ABTB3: variants seen among roughly 807,000 people sequenced by gnomAD.
ABTB3 encodes the protein ankyrin repeat- and BTB/POZ domain-containing protein 3.
the ABTB3 span, chr12:107,320,114 C>A: frequency 7.3e-7 from 1 of 1,379,180 alleles, no homozygotes; most frequent in South Asian, 2.1e-5. Context: ...CTCACCTAAC[C>A]TGGCCAACTC....
the ABTB3 span, among the ~76,000 whole-genome samples, chr12:107,446,553 T>C: frequency 6.6e-6 from 1 of 152,196 alleles, no homozygotes; most frequent in Non-Finnish European, 1.5e-5. Context: ...GTCCCTCATG[T>C]AGAGCAAGGA....
the ABTB3 span, among the ~76,000 whole-genome samples, chr12:107,485,975 G>T: frequency 6.6e-6 from 1 of 152,200 alleles, no homozygotes; most frequent in African/African-American, 2.4e-5. Context: ...AACTGGTTAG[G>T]AGAGCTGTAC....
At chr12:107,534,627 G>A in the ABTB3 span, among the ~76,000 whole-genome samples, 1 of 152,122 alleles carries the variant, frequency 6.6e-6, no homozygotes, top group Non-Finnish European at 1.5e-5. Context: ...TGATACGACA[G>A]AAATACAAAG....
the ABTB3 span, chr12:107,486,735 C>CAAAAAAAAAAAAAAAAAAAAAA: frequency 2.0e-5 from 1 of 50,258 alleles, no homozygotes; most frequent in African/African-American, 6.2e-5. Flanking sequence ...TCTTAATAGC[C>CAAAAAAAAAAAAAAAAAAAAAA]AAAAAAAAAA....
chr12:107,570,160 T>C, the ABTB3 span, among the ~76,000 whole-genome samples: 1 of 152,240 alleles, frequency 6.6e-6, no homozygotes, highest in African/African-American at 2.4e-5. Context: ...AGAACACGTA[T>C]AGAGGGAAAA....
chr12:107,647,955 A>G, the ABTB3 span, among the ~76,000 whole-genome samples: 2 of 152,194 alleles, frequency 1.3e-5, no homozygotes, highest in Non-Finnish European at 2.9e-5. Flanking sequence ...GACTGAAGGG[A>G]CCATTGAGGA....
the ABTB3 span, chr12:107,635,035 G>A: frequency 1.2e-5 from 4 of 346,668 alleles, no homozygotes; most frequent in South Asian, 1.4e-4. Context: ...AGCGAATCAT[G>A]AGGGCCAGAG....
chr12:107,609,438 G>A, the ABTB3 span, among the ~76,000 whole-genome samples: 1 of 152,100 alleles, frequency 6.6e-6, no homozygotes. Context: ...TGATGCCCTG[G>A]GCTGGCTGGA....
chr12:107,538,703 G>A, the ABTB3 span, among the ~76,000 whole-genome samples: 1 of 152,124 alleles, frequency 6.6e-6, no homozygotes, highest in African/African-American at 2.4e-5. Context: ...CATTTATGCA[G>A]GTTGACCATC....
At chr12:107,564,959 T>C in the ABTB3 span, among the ~76,000 whole-genome samples, 1,316 of 152,306 alleles carry the variant, frequency 8.6e-3, 21 homozygotes, top group African/African-American at 0.029. Flanking sequence ...ATGATCTGTA[T>C]GCTGGAAGGA....
the ABTB3 span, among the ~76,000 whole-genome samples, chr12:107,509,665 G>T: frequency 6.6e-6 from 1 of 152,216 alleles, no homozygotes; most frequent in Non-Finnish European, 1.5e-5. Flanking sequence ...CATCACTGGG[G>T]CCGGGACCTG....
the ABTB3 span, among the ~76,000 whole-genome samples, chr12:107,523,513 T>C: frequency 6.6e-6 from 1 of 152,240 alleles, no homozygotes; most frequent in Non-Finnish European, 1.5e-5. Context: ...TACATTAAAA[T>C]TCAATTATCA....
chr12:107,507,862 C>A, the ABTB3 span, among the ~76,000 whole-genome samples: 1 of 152,252 alleles, frequency 6.6e-6, no homozygotes, highest in Non-Finnish European at 1.5e-5. Flanking sequence ...GCTTTCCTGA[C>A]ATGCCACCCA....
the ABTB3 span, among the ~76,000 whole-genome samples, chr12:107,560,078 A>G: frequency 6.6e-6 from 1 of 152,174 alleles, no homozygotes; most frequent in South Asian, 2.1e-4. Flanking sequence ...ATTTCACTTA[A>G]TAGCATACCA....
At chr12:107,343,457 A>G in the ABTB3 span, among the ~76,000 whole-genome samples, 1 of 152,332 alleles carries the variant, frequency 6.6e-6, no homozygotes, top group East Asian at 1.9e-4. Flanking sequence ...TGAATGTGCC[A>G]TATTTGACCA....
chr12:107,353,390 AG>A, the ABTB3 span, among the ~76,000 whole-genome samples: 2 of 152,310 alleles, frequency 1.3e-5, no homozygotes, highest in East Asian at 3.9e-4. Context: ...TCAGCTGTGT[AG>A]GGAGACAGAG....
chr12:107,432,968 G>A, the ABTB3 span, among the ~76,000 whole-genome samples: 1 of 152,130 alleles, frequency 6.6e-6, no homozygotes, highest in African/African-American at 2.4e-5. Flanking sequence ...CTTCTTCACG[G>A]CAGGGCAGGG....
At chr12:107,475,093 A>G in the ABTB3 span, among the ~76,000 whole-genome samples, 4 of 152,078 alleles carry the variant, frequency 2.6e-5, no homozygotes, top group African/African-American at 7.3e-5. Flanking sequence ...CTGCAGCATT[A>G]ACTCAACTCA....
At chr12:107,640,297 C>T in the ABTB3 span, 8 of 1,462,998 alleles carry the variant, frequency 5.5e-6, no homozygotes, top group Admixed American at 2.0e-5. Flanking sequence ...CTTTTTTTCC[C>T]TTTCCTATTC....
Sources: gnomAD v4.1 joint callset for allele counts (sites outside exome capture counted in the v4.1 genomes callset) on GRCh38, gnomAD v4.1.1 for gene constraint, MANE v1.5 for transcripts, NCBI Gene and HGNC (gene_info 2026-07-23, HGNC 2026-07-21) for gene names.